FRK: variants seen among roughly 807,000 people sequenced by gnomAD.
FRK encodes tyrosine-protein kinase FRK.
In FRK, 51 loss-of-function variants were observed where a neutral mutation model predicts 56.4. The observed-to-expected ratio is 0.90, with a 90% confidence interval of 0.72 to 1.14. FRK has a LOEUF of 1.14. FRK is among the 50% of genes most tolerant of loss of function. FRK has a pLI of 0.00. For missense variants in FRK, 570 were observed against 601.4 expected (o/e 0.95, Z 0.55); for synonymous variants, 245 against 217.9 (o/e 1.12, Z -1.10).
At chr6:116,096,464 C>T in the FRK span, among the ~76,000 whole-genome samples, 1 of 152,144 alleles carries the variant, frequency 6.6e-6, no homozygotes, top group Non-Finnish European at 1.5e-5. Flanking sequence ...CCAATCAGCA[C>T]TCTGTGTCTA....
At chr6:115,958,643 G>GA (rs5879358) in intron 4 of FRK, among the ~76,000 whole-genome samples, 1 of 38,098 alleles carries the variant, frequency 2.6e-5, no homozygotes, top group Non-Finnish European at 5.2e-5. Context: ...AGGAAAGAAA[G>GA]AAAAGAAAGA....
the FRK span, among the ~76,000 whole-genome samples, chr6:116,097,085 G>C: frequency 6.6e-6 from 1 of 151,948 alleles, no homozygotes; most frequent in Non-Finnish European, 1.5e-5. Context: ...AATCAAGAGA[G>C]TAGAAAATGA....
intron 2 of FRK, among the ~76,000 whole-genome samples, chr6:115,974,192 G>A (rs575978674): frequency 1.1e-4 from 17 of 152,236 alleles, no homozygotes; most frequent in Non-Finnish European, 1.8e-4. Context: ...AATGGACTAC[G>A]TGGAAATTAA....
intron 1 of FRK, among the ~76,000 whole-genome samples, chr6:116,009,772 T>C (rs1775393844): frequency 6.6e-6 from 1 of 152,192 alleles, no homozygotes; most frequent in South Asian, 2.1e-4. Flanking sequence ...AATTATCAAG[T>C]GTCTACCGTA....
At chr6:116,041,538 A>T (rs1776712678) in intron 1 of FRK, among the ~76,000 whole-genome samples, 2 of 152,144 alleles carry the variant, frequency 1.3e-5, no homozygotes, top group South Asian at 2.1e-4. Context: ...CTGCATTTCC[A>T]ACTGAGGTAC....
At chr6:116,041,230 G>A (rs1003487635) in intron 1 of FRK, among the ~76,000 whole-genome samples, 1 of 152,096 alleles carries the variant, frequency 6.6e-6, no homozygotes, top group African/African-American at 2.4e-5. Flanking sequence ...ACAAATGCAA[G>A]GTATTGAGTT....
chr6:115,956,370 C>T (rs1285462063), intron 5 of FRK, 82 bp downstream of exon 5: 1 of 1,044,174 alleles, frequency 9.6e-7, no homozygotes, highest in African/African-American at 1.6e-5. Context: ...CTTTCGGTTA[C>T]AGAAGGCTTG....
chr6:115,943,934 T>C (rs1772313720), intron 6 of FRK, among the ~76,000 whole-genome samples: 1 of 152,198 alleles, frequency 6.6e-6, no homozygotes, highest in Non-Finnish European at 1.5e-5. Flanking sequence ...CAAAGTGTAC[T>C]GCTTTTGTAA....
chr6:116,070,597 C>T, the FRK span, among the ~76,000 whole-genome samples: 1 of 151,944 alleles, frequency 6.6e-6, no homozygotes, highest in Non-Finnish European at 1.5e-5. Flanking sequence ...TAACAAAATC[C>T]TAATGCAAGA....
intron 1 of FRK, among the ~76,000 whole-genome samples, chr6:116,008,980 T>G (rs1775362490): frequency 6.6e-6 from 1 of 152,100 alleles, no homozygotes; most frequent in African/African-American, 2.4e-5. Context: ...ATTCACAAAT[T>G]AGGCAGCCTC....
intron 1 of FRK, among the ~76,000 whole-genome samples, chr6:116,042,113 G>A (rs762112772): frequency 6.6e-6 from 1 of 152,180 alleles, no homozygotes; most frequent in Non-Finnish European, 1.5e-5. Flanking sequence ...TTCCCTCACA[G>A]TGTAAACAAA....
At chr6:116,017,990 C>T (rs894802383) in intron 1 of FRK, among the ~76,000 whole-genome samples, 2 of 152,178 alleles carry the variant, frequency 1.3e-5, no homozygotes, top group Admixed American at 6.5e-5. Flanking sequence ...AAGTACAATA[C>T]AGAGCAGAAA....
the FRK span, among the ~76,000 whole-genome samples, chr6:116,093,510 G>T: frequency 6.6e-6 from 1 of 152,232 alleles, no homozygotes; most frequent in Non-Finnish European, 1.5e-5. Context: ...TGCTTTAGCT[G>T]CAGTCCGAGA....
intron 1 of FRK, chr6:116,039,547 A>C (rs1776632032): frequency 1.9e-6 from 2 of 1,028,084 alleles, no homozygotes; most frequent in African/African-American, 3.1e-5. Flanking sequence ...TAAGCAGCCC[A>C]GAAGCCCAGT....
Position 115,942,324 on chromosome 6 carries a change from G to T in FRK, c.*90C>A. ...TCACTTGAATATGTCAGGATAAACT[G>T]ATTGTGCAGTTGGTTGATAACATTG... On this transcript the variant is annotated 3_prime_UTR_variant, in exon 8 of 8. Transcript: ENST00000606080. 9.5e-7 allele frequency: 1 copy of T among 1,048,036 alleles called. No individual in the cohort carries two copies. The highest frequency in any genetic ancestry group is 1.6e-5 in the African/African-American group (1 of 63,638). The allele number at this position is 1,048,036 out of a possible 1,614,324, so 64.9% of individuals were successfully genotyped here.
intron 5 of FRK, among the ~76,000 whole-genome samples, chr6:115,945,693 T>C (rs542364254): frequency 1.1e-3 from 162 of 152,290 alleles, no homozygotes; most frequent in Middle Eastern, 3.4e-3. Context: ...ATGAAAGGTC[T>C]ATCCATAGTT....
intron 2 of FRK, among the ~76,000 whole-genome samples, chr6:115,991,883 G>A (rs1774623021): frequency 6.6e-6 from 1 of 151,720 alleles, no homozygotes; most frequent in Admixed American, 6.6e-5. Flanking sequence ...TAACTTAGCT[G>A]TGAATCTGTC....
At chr6:116,009,859 C>A (rs1195052231) in intron 1 of FRK, among the ~76,000 whole-genome samples, 3 of 152,088 alleles carry the variant, frequency 2.0e-5, no homozygotes, top group Non-Finnish European at 4.4e-5. Context: ...TAAAATGTGT[C>A]TGCAGGACAT....
chr6:115,958,703 A>AGAAAGAAAGAAGGAAG (rs1562257394), intron 4 of FRK, among the ~76,000 whole-genome samples: 2 of 4,730 alleles, frequency 4.2e-4, no homozygotes, highest in African/African-American at 1.3e-3. Context: ...AAAGAAAGAA[A>AGAAAGAAAGAAGGAAG]GAAGAAAGAA....
Sources: gnomAD v4.1 joint callset for allele counts (sites outside exome capture counted in the v4.1 genomes callset) on GRCh38, gnomAD v4.1.1 for gene constraint, MANE v1.5 for transcripts, NCBI Gene and HGNC (gene_info 2026-07-23, HGNC 2026-07-21) for gene names.